ZNF385B: variants seen among roughly 807,000 people sequenced by gnomAD.
ZNF385B encodes the protein zinc finger protein 533.
A neutral mutation model predicts 39.2 loss-of-function variants in ZNF385B; 23 were observed. The ratio of observed to expected loss-of-function variants is 0.59; its 90% CI spans 0.42 to 0.83. The LOEUF (loss-of-function observed/expected upper bound fraction) is 0.83, where lower values mean the gene tolerates loss of function less well. Among genes scored for constraint, ZNF385B ranks in the 40% least tolerant of loss-of-function variants. The pLI is 0.00. For synonymous variants in ZNF385B, 205 were observed against 222.6 expected (o/e 0.92, Z 0.70); for missense variants, 552 against 598.9 (o/e 0.92, Z 0.82).
At chr2:179,479,826 G>A (rs953755283) in intron 6 of ZNF385B, among the ~76,000 whole-genome samples, 1 of 151,998 alleles carries the variant, frequency 6.6e-6, no homozygotes, top group East Asian at 1.9e-4. Context: ...GCAACAGAGC[G>A]AGACTCTGTC....
At chr2:179,543,061 C>T (rs747972904) in intron 4 of ZNF385B, among the ~76,000 whole-genome samples, 6 of 152,068 alleles carry the variant, frequency 3.9e-5, no homozygotes, top group Non-Finnish European at 7.4e-5. Flanking sequence ...CACCTGAGGC[C>T]AGGAGTCTGA....
chr2:179,694,846 C>T (rs1178099301), intron 3 of ZNF385B, among the ~76,000 whole-genome samples: 1 of 152,098 alleles, frequency 6.6e-6, no homozygotes, highest in Admixed American at 6.5e-5. Flanking sequence ...AGGAGAATCT[C>T]TTGAACCTGG....
intron 1 of ZNF385B, among the ~76,000 whole-genome samples, chr2:179,771,099 C>T (rs1380980503): frequency 3.3e-5 from 5 of 151,972 alleles, no homozygotes; most frequent in Non-Finnish European, 7.4e-5. Context: ...AGTGCTGTGC[C>T]ATAAGAGATG....
At chr2:179,481,782 G>A (rs954643389) in intron 6 of ZNF385B, among the ~76,000 whole-genome samples, 4 of 152,128 alleles carry the variant, frequency 2.6e-5, no homozygotes, top group Non-Finnish European at 4.4e-5. Flanking sequence ...TGCATTAAAC[G>A]AAACCAGGCA....
intron 4 of ZNF385B, among the ~76,000 whole-genome samples, chr2:179,537,531 G>C (rs768957044): frequency 6.6e-6 from 1 of 151,976 alleles, no homozygotes; most frequent in Non-Finnish European, 1.5e-5. Context: ...CCTGAGCTCA[G>C]GAGTTCGAGA....
intron 1 of ZNF385B, among the ~76,000 whole-genome samples, chr2:179,778,489 C>T (rs1031456863): frequency 2.0e-5 from 3 of 152,120 alleles, no homozygotes; most frequent in South Asian, 2.1e-4. Context: ...GCAACATAGG[C>T]AATTGAATGG....
At chr2:179,779,350 A>G (rs1704531220) in intron 1 of ZNF385B, among the ~76,000 whole-genome samples, 1 of 152,246 alleles carries the variant, frequency 6.6e-6, no homozygotes, top group Non-Finnish European at 1.5e-5. Flanking sequence ...CATCTAGAGC[A>G]GAGAGAGCAG....
At chr2:179,682,743 TAC>T (rs369061472) in intron 3 of ZNF385B, among the ~76,000 whole-genome samples, 17 of 150,406 alleles carry the variant, frequency 1.1e-4, no homozygotes, top group Admixed American at 1.3e-4. Context: ...GATATATAAG[TAC>T]ACACACACAC....
chr2:179,562,387 A>G lies in ZNF385B; in HGVS notation c.299-17418T>C, dbSNP rs968405132. The G allele has an allele frequency of 1.0e-5, 10 of 985,200 alleles. No homozygotes were observed. In the African/African-American group the frequency reaches 1.7e-4, roughly 17 times the overall value. The allele number at this position is 985,200 out of a possible 1,614,324, so 61.0% of individuals were successfully genotyped here. A position where few individuals can be genotyped will look rare whatever the true frequency, so the allele number is the denominator to read the frequency against. ...CTTAAGATGTAAATGTGGGTCAGTT[A>G]GCAGTGCTTACCTTTGTTTTTAAGG... On this transcript the variant is annotated intron_variant, in intron 3 of 9. Coordinates refer to ENST00000410066, the MANE Select transcript of ZNF385B (RefSeq NM_152520.6).
chr2:179,764,179 A>G (rs921654015), intron 3 of ZNF385B, among the ~76,000 whole-genome samples: 6 of 152,106 alleles, frequency 3.9e-5, no homozygotes, highest in Admixed American at 3.3e-4. Context: ...CTTCCTGGTG[A>G]GTTGAATATC....
At chr2:179,583,034 A>G (rs1267310446) in intron 3 of ZNF385B, among the ~76,000 whole-genome samples, 4 of 152,114 alleles carry the variant, frequency 2.6e-5, no homozygotes, top group South Asian at 2.1e-4. Context: ...TTTTTAGTAG[A>G]GACGGGGGTT....
chr2:179,493,722 C>CATATATACATATATGTATACATATGT, intron 5 of ZNF385B, among the ~76,000 whole-genome samples: 1 of 59,274 alleles, frequency 1.7e-5, no homozygotes, highest in Admixed American at 1.6e-4. Context: ...TATGCATATA[C>CATATATACATATATGTATACATATGT]GTATATACAT....
intron 3 of ZNF385B, among the ~76,000 whole-genome samples, chr2:179,685,536 C>T (rs998110769): frequency 1.3e-4 from 20 of 152,094 alleles, no homozygotes; most frequent in Non-Finnish European, 2.8e-4. Context: ...GTTATATAAT[C>T]ATTAGGAAGG....
chr2:179,694,861 TGGAG>T (rs1477046999), intron 3 of ZNF385B, among the ~76,000 whole-genome samples: 4 of 151,112 alleles, frequency 2.6e-5, no homozygotes, highest in African/African-American at 9.7e-5. Context: ...ACCTGGGAGG[TGGAG>T]GTTGCAGTGA....
intron 3 of ZNF385B, among the ~76,000 whole-genome samples, chr2:179,618,760 G>T (rs1166715326): frequency 6.6e-6 from 1 of 152,112 alleles, no homozygotes; most frequent in Non-Finnish European, 1.5e-5. Context: ...ACTTCGCTTT[G>T]CTTGCCTCTA....
intron 5 of ZNF385B, among the ~76,000 whole-genome samples, chr2:179,508,374 A>C (rs6746859): frequency 0.71 from 108,390 of 152,092 alleles, 39,748 homozygotes; most frequent in East Asian, 0.91. Flanking sequence ...ATTCTGCAAC[A>C]AACCTTCACT....
chr2:179,614,042 C>G (rs1025674676), intron 3 of ZNF385B, among the ~76,000 whole-genome samples: 15 of 151,718 alleles, frequency 9.9e-5, no homozygotes, highest in Non-Finnish European at 7.4e-5. Flanking sequence ...GTCTCCCTCC[C>G]GCAAATGCAC....
chr2:179,556,870 T>C (rs1262361348), intron 3 of ZNF385B, among the ~76,000 whole-genome samples: 2 of 149,118 alleles, frequency 1.3e-5, no homozygotes, highest in African/African-American at 5.1e-5. Flanking sequence ...TCTAGAACTC[T>C]GAGTCTATAA....
intron 1 of ZNF385B, among the ~76,000 whole-genome samples, chr2:179,828,682 G>C (rs1290482270): frequency 6.6e-6 from 1 of 152,102 alleles, no homozygotes; most frequent in Non-Finnish European, 1.5e-5. Flanking sequence ...TGAAAATTAC[G>C]AATCACTTCA....
Sources: gnomAD v4.1 joint callset for allele counts (sites outside exome capture counted in the v4.1 genomes callset) on GRCh38, gnomAD v4.1.1 for gene constraint, MANE v1.5 for transcripts, NCBI Gene and HGNC (gene_info 2026-07-23, HGNC 2026-07-21) for gene names.